Variants in MKRN2OS observed in about 807,000 individuals in gnomAD.
MKRN2OS encodes the protein MKRN2 opposite strand, also known as MKRN2 opposite strand protein.
MKRN2OS carries 17 observed loss-of-function variants against 18.2 expected under a neutral mutation model. That is an observed-to-expected ratio of 0.93 (90% CI 0.64 to 1.40). The LOEUF (loss-of-function observed/expected upper bound fraction) is 1.40, where lower values mean the gene tolerates loss of function less well. MKRN2OS is among the 40% of genes most tolerant of loss of function. The probability of loss-of-function intolerance (pLI) is 0.00; values close to 1 mark genes in which losing one functional copy is unlikely to be tolerated. For synonymous variants in MKRN2OS, 121 were observed against 108.5 expected (o/e 1.12, Z -0.72); for missense variants, 337 against 283.0 (o/e 1.19, Z -1.37).
upstream of MKRN2OS, among the ~76,000 whole-genome samples, chr3:12,547,905 C>A (rs976569544): frequency 1.1e-4 from 16 of 152,148 alleles, no homozygotes; most frequent in African/African-American, 3.9e-4. Flanking sequence ...CTAGAAAGGA[C>A]CTCAGAAATC....
At chr3:12,557,029 G>C in intron 1 of MKRN2OS, 4 of 1,085,256 alleles carry the variant, frequency 3.7e-6, no homozygotes, top group Non-Finnish European at 4.7e-6. Context: ...CGGAGGGGCG[G>C]CGTGCGCCGG....
At position 12,539,950 on chromosome 3, in the gene MKRN2OS, T is replaced by C; in HGVS notation, c.*243A>G. 2.1e-6 allele frequency: 1 copy of C among 471,082 alleles called. No homozygotes were observed. The highest frequency in any genetic ancestry group is 3.9e-6 in the Non-Finnish European group (1 of 259,250). The allele number at this position is 471,082 out of a possible 1,614,324, so 29.2% of individuals were successfully genotyped here. A position where few individuals can be genotyped will look rare whatever the true frequency, so the allele number is the denominator to read the frequency against. ...ACAGGCATGCGCCACCATGCCCAGC[T>C]AATTTTATATTTTTAGTAAGGACGG... On this transcript the variant is annotated 3_prime_UTR_variant, in exon 4 of 4. Transcript: ENST00000564146.
At chr3:12,543,684 G>A (rs553895005) in intron 1 of MKRN2OS, among the ~76,000 whole-genome samples, 2 of 151,478 alleles carry the variant, frequency 1.3e-5, no homozygotes, top group South Asian at 2.1e-4. Context: ...CCAGGAGTTC[G>A]AGACCAGCCT....
chr3:12,548,967 C>T (rs1289427388), upstream of MKRN2OS, among the ~76,000 whole-genome samples: 1 of 152,078 alleles, frequency 6.6e-6, no homozygotes, highest in African/African-American at 2.4e-5. Context: ...CGGAATCTCA[C>T]TCTGTCGCCT....
chr3:12,544,372 G>C (rs1164191733), intron 1 of MKRN2OS, among the ~76,000 whole-genome samples: 2 of 152,022 alleles, frequency 1.3e-5, no homozygotes, highest in Non-Finnish European at 2.9e-5. Flanking sequence ...TAAACTCCAC[G>C]GGGACAATAA....
chr3:12,540,484 C>T, intron 3 of MKRN2OS, 51 bp from the exon 4 acceptor site: 1 of 1,533,406 alleles, frequency 6.5e-7, no homozygotes. Context: ...TCAGAACAGG[C>T]TGTCAAGCTA....
intron 1 of MKRN2OS, among the ~76,000 whole-genome samples, chr3:12,558,324 G>A (rs566056329): frequency 3.9e-5 from 6 of 152,300 alleles, no homozygotes; most frequent in African/African-American, 1.4e-4. Flanking sequence ...ATTTGTACTA[G>A]AAGGTGTTTT....
chr3:12,550,690 G>C (rs868483583), downstream of MKRN2OS, among the ~76,000 whole-genome samples: 25 of 152,236 alleles, frequency 1.6e-4, no homozygotes, highest in Middle Eastern at 0.01. Context: ...ACTTGCCTCA[G>C]TCTCTTTTTC....
At chr3:12,559,015 C>T (rs7628907) in intron 1 of MKRN2OS, among the ~76,000 whole-genome samples, 7,819 of 152,178 alleles carry the variant, frequency 0.051, 678 homozygotes, top group African/African-American at 0.18. Flanking sequence ...GACTGTAGGG[C>T]CTCCAGATAA....
intron 1 of MKRN2OS, chr3:12,557,082 G>A (rs1379215119): frequency 1.4e-6 from 2 of 1,428,870 alleles, no homozygotes; most frequent in African/African-American, 1.5e-5. Flanking sequence ...GGCCGGGCCA[G>A]GGCCAAGGCC....
upstream of MKRN2OS, among the ~76,000 whole-genome samples, chr3:12,546,661 A>G (rs1434592124): frequency 7.9e-5 from 11 of 139,888 alleles, no homozygotes; most frequent in African/African-American, 2.2e-4. Context: ...GCTCACTGCA[A>G]CCTCCGCCTC....
At chr3:12,540,660 G>A (rs2057787185) in intron 3 of MKRN2OS, among the ~76,000 whole-genome samples, 1 of 152,014 alleles carries the variant, frequency 6.6e-6, no homozygotes, top group Admixed American at 6.6e-5. Context: ...GATCACTTGA[G>A]GTCAAGAGTT....
intron 1 of MKRN2OS, among the ~76,000 whole-genome samples, chr3:12,558,064 A>G (rs911148138): frequency 6.6e-6 from 1 of 152,212 alleles, no homozygotes; most frequent in African/African-American, 2.4e-5. Context: ...GGAAAATGCA[A>G]ATTTCATTTA....
intron 1 of MKRN2OS, among the ~76,000 whole-genome samples, chr3:12,556,709 G>C (rs572525779): frequency 1.3e-5 from 2 of 152,274 alleles, no homozygotes; most frequent in South Asian, 4.1e-4. Flanking sequence ...CAGTGAGTGC[G>C]AGTATGAATG....
rs887206180 is a variant in MKRN2OS, at chr3:12,559,132, G to A, written n.264+1625C>T. ...CAAGGATATGTAAAACTGCAAAGAAGTTTACTCACAAAAGGGTGTAAAGGA... is the reference window on the plus strand; with the variant it reads ...CAAGGATATGTAAAACTGCAAAGAAATTTACTCACAAAAGGGTGTAAAGGA... On this transcript the variant is annotated intron_variant and non_coding_transcript_variant, in intron 1 of 1. Transcript: ENST00000447550. 2.0e-5 allele frequency among the ~76,000 whole-genome samples: 3 copies of A among 152,198 alleles called. No homozygotes were observed. The East Asian group carries it at 5.8e-4, about 29-fold the overall frequency.
At chr3:12,557,123 A>T (rs944965670) in intron 1 of MKRN2OS, 11 of 1,486,724 alleles carry the variant, frequency 7.4e-6, no homozygotes, top group Non-Finnish European at 9.8e-6. Context: ...AGGCGGCGGC[A>T]CGACGACGGT....
Position 12,543,601 on chromosome 3 carries a change from G to A in MKRN2OS, c.219-372C>T, listed in dbSNP as rs138172979. ...GAGTCTGTCCAAGAAAATAAATAGAGCCAGCTGGATGCAGTGGCTCACGCC... is the reference window on the plus strand; with the variant it reads ...GAGTCTGTCCAAGAAAATAAATAGAACCAGCTGGATGCAGTGGCTCACGCC... On this transcript the variant is annotated intron_variant, in intron 1 of 3. Transcript: ENST00000564146. Among the ~76,000 whole-genome samples the A allele has an allele frequency of 2.8e-3, 420 of 150,066 alleles. 2 individuals carry two copies. The highest frequency in any genetic ancestry group is 9.5e-3 in the African/African-American group (388 of 40,726).
chr3:12,545,800 G>A (rs113318826), upstream of MKRN2OS, among the ~76,000 whole-genome samples: 1,224 of 152,134 alleles, frequency 8.0e-3, 16 homozygotes, highest in African/African-American at 0.028. Flanking sequence ...TCATATTTCC[G>A]TCAGAACTCT....
chr3:12,555,445 A>T (rs2057960965), intron 1 of MKRN2OS, among the ~76,000 whole-genome samples: 1 of 152,184 alleles, frequency 6.6e-6, no homozygotes, highest in Admixed American at 6.5e-5. Flanking sequence ...CCTGAGAAAA[A>T]TTTCAAAAGT....
Sources: gnomAD v4.1 joint callset for allele counts (sites outside exome capture counted in the v4.1 genomes callset) on GRCh38, gnomAD v4.1.1 for gene constraint, MANE v1.5 for transcripts, NCBI Gene and HGNC (gene_info 2026-07-23, HGNC 2026-07-21) for gene names.